The following DSCAM variants were observed in gnomAD, a reference collection of about 807,000 sequenced individuals.
The protein encoded by DSCAM is cell adhesion molecule DSCAM.
A neutral mutation model predicts 217.7 loss-of-function variants in DSCAM; 47 were observed. The observed-to-expected ratio is 0.22, with a 90% confidence interval of 0.17 to 0.28. The LOEUF is 0.28. Among genes scored for constraint, DSCAM ranks in the 10% least tolerant of loss-of-function variants. The pLI, the probability that DSCAM is intolerant of heterozygous loss-of-function variation, is 1.00. For missense variants in DSCAM, 2,080 were observed against 2,618.3 expected, an observed-to-expected ratio of 0.79 and a Z score of 4.49; for synonymous variants, 1,056 against 1,015.3, an observed-to-expected ratio of 1.04 and a Z score of -0.76.
intron 3 of DSCAM, among the ~76,000 whole-genome samples, chr21:40,572,563 G>C (rs1043236626): frequency 1.3e-5 from 2 of 152,098 alleles, no homozygotes; most frequent in Non-Finnish European, 2.9e-5. Flanking sequence ...GTTGAAAACT[G>C]ACATACTATC....
At chr21:40,577,576 G>A (rs1194600404) in intron 3 of DSCAM, among the ~76,000 whole-genome samples, 2 of 151,850 alleles carry the variant, frequency 1.3e-5, no homozygotes, top group Non-Finnish European at 1.5e-5. Flanking sequence ...CAGAGAAAAC[G>A]CCACACTTTG....
chr21:40,339,489 T>C (rs2074465663), intron 6 of DSCAM, 74 bp from the exon 7 acceptor site: 3 of 1,381,164 alleles, frequency 2.2e-6, no homozygotes, highest in Non-Finnish European at 2.9e-6. Context: ...ATGTCTTTCA[T>C]GTCTAGGGGG....
chr21:40,287,988 G>A (rs2073848125), intron 10 of DSCAM, among the ~76,000 whole-genome samples: 1 of 152,184 alleles, frequency 6.6e-6, no homozygotes, highest in Admixed American at 6.5e-5. Context: ...AAGAGAGACA[G>A]GAAGAAATAG....
At chr21:40,499,115 C>T (rs2146032481) in intron 3 of DSCAM, among the ~76,000 whole-genome samples, 1 of 152,024 alleles carries the variant, frequency 6.6e-6, no homozygotes, top group African/African-American at 2.4e-5. Context: ...ATGAAATCAT[C>T]TAAATTTACC....
At chr21:40,513,663 A>G (rs2076277519) in intron 3 of DSCAM, among the ~76,000 whole-genome samples, 1 of 152,188 alleles carries the variant, frequency 6.6e-6, no homozygotes, top group African/African-American at 2.4e-5. Context: ...GCACCAAGCT[A>G]TACATGAGGA....
chr21:40,199,529 G>T (rs1441754054), intron 11 of DSCAM, among the ~76,000 whole-genome samples: 2 of 152,152 alleles, frequency 1.3e-5, no homozygotes, highest in African/African-American at 4.8e-5. Flanking sequence ...TGGGATTGCT[G>T]GGTCAAATGG....
At chr21:40,342,648 A>ATATATATATATATATT (rs61637421) in intron 6 of DSCAM, among the ~76,000 whole-genome samples, 17 of 80,314 alleles carry the variant, frequency 2.1e-4, no homozygotes, top group African/African-American at 8.3e-4. Context: ...ATATATATAT[A>ATATATATATATATATT]TTTTTTTTTT....
chr21:40,224,979 T>C (rs2091319084), intron 11 of DSCAM, among the ~76,000 whole-genome samples: 1 of 152,208 alleles, frequency 6.6e-6, no homozygotes, highest in Non-Finnish European at 1.5e-5. Flanking sequence ...TTGGTTTGAA[T>C]TAGAAACTAC....
chr21:40,826,026 G>C lies in DSCAM; in HGVS notation c.43+20593C>G, dbSNP rs117841905. On this transcript the variant is annotated intron_variant, in intron 1 of 32. Transcript: ENST00000400454. The stretch of plus-strand genomic sequence containing the variant: ...CAGCCTGTTAGTCACTCTTCTAGGT[G>C]AGCACAGTAGACAAATGTGGGCTTC... Among the ~76,000 whole-genome samples, 1,055 of 152,324 alleles carry C rather than the reference G, an allele frequency of 6.9e-3. 8 individuals are homozygous for C. The highest frequency in any genetic ancestry group is 0.011 in the Non-Finnish European group (772 of 68,026).
intron 1 of DSCAM, among the ~76,000 whole-genome samples, chr21:40,844,369 T>C (rs1174271972): frequency 6.6e-6 from 1 of 152,210 alleles, no homozygotes; most frequent in East Asian, 1.9e-4. Flanking sequence ...TTTTAATGTT[T>C]TCATCCTTGA....
chr21:40,498,384 A>G (rs535898664), intron 3 of DSCAM, among the ~76,000 whole-genome samples: 18 of 151,934 alleles, frequency 1.2e-4, no homozygotes, highest in East Asian at 3.9e-4. Context: ...CAATGCGTAT[A>G]AAAAACCACA....
chr21:40,166,696 A>G (rs2090598340), intron 16 of DSCAM, among the ~76,000 whole-genome samples: 1 of 152,210 alleles, frequency 6.6e-6, no homozygotes, highest in Non-Finnish European at 1.5e-5. Flanking sequence ...GTCTGCCTCT[A>G]TGGGCCACAC....
At chr21:40,139,203 A>G (rs1325000411) in intron 18 of DSCAM, among the ~76,000 whole-genome samples, 1 of 151,556 alleles carries the variant, frequency 6.6e-6, no homozygotes, top group Non-Finnish European at 1.5e-5. Context: ...AACCTGAGAC[A>G]GGTCTCAGTT....
intron 3 of DSCAM, among the ~76,000 whole-genome samples, chr21:40,560,874 T>C (rs1003243382): frequency 6.6e-6 from 1 of 152,218 alleles, no homozygotes; most frequent in African/African-American, 2.4e-5. Context: ...AAGTATGGTT[T>C]CTACTGAATG....
At chr21:40,420,067 G>A (rs2075408662) in intron 3 of DSCAM, among the ~76,000 whole-genome samples, 1 of 151,976 alleles carries the variant, frequency 6.6e-6, no homozygotes, top group Non-Finnish European at 1.5e-5. Context: ...AAAAAATTAG[G>A]CACAAAGCAA....
In DSCAM at chr21:40,595,369, T is replaced by C. The variant is rs983622653; in HGVS notation, c.508+97441A>G. Among the ~76,000 whole-genome samples, 6 of 141,276 alleles carry C rather than the reference T, an allele frequency of 4.2e-5. No homozygotes were observed. In the East Asian group the frequency reaches 1.1e-3, roughly 25 times the overall value. The allele number at this position is 141,276 out of a possible 152,430, so 92.7% of individuals were successfully genotyped here. A position where few individuals can be genotyped will look rare whatever the true frequency, so the allele number is the denominator to read the frequency against. The stretch of plus-strand genomic sequence containing the variant: ...CTCCAGCCTGGGTGACAAAGTGAGA[T>C]CCTGTCTCAAAAAAAAAGAAAAGAA... On this transcript the variant is annotated intron_variant, in intron 3 of 32. Coordinates refer to ENST00000400454, the MANE Select transcript of DSCAM (RefSeq NM_001389.5).
chr21:40,065,090 T>C (rs1303849810), intron 27 of DSCAM, among the ~76,000 whole-genome samples: 2 of 152,032 alleles, frequency 1.3e-5, no homozygotes, highest in African/African-American at 4.8e-5. Flanking sequence ...TCTGTACGAA[T>C]CAGAGTCCTA....
At chr21:40,411,175 TACAC>T (rs902494368) in intron 3 of DSCAM, among the ~76,000 whole-genome samples, 3,137 of 44,974 alleles carry the variant, frequency 0.07, 81 homozygotes, top group African/African-American at 0.16. Flanking sequence ...AGTAATTATA[TACAC>T]ACACACACAC....
chr21:40,117,892 T>C (rs1250277304), intron 20 of DSCAM, among the ~76,000 whole-genome samples: 2 of 151,274 alleles, frequency 1.3e-5, no homozygotes, highest in African/African-American at 4.9e-5. Flanking sequence ...CTTTAAACAA[T>C]AAACATTTTT....
Sources: allele counts gnomAD v4.1 joint callset (sites outside exome capture counted in the v4.1 genomes callset), GRCh38; gene constraint gnomAD v4.1.1; transcripts MANE v1.5; gene names NCBI Gene and HGNC (gene_info 2026-07-23, HGNC 2026-07-21).